Variants in FAT3 observed in about 807,000 individuals in gnomAD.
FAT3 encodes protocadherin Fat 3.
Under a neutral mutation model 310.2 loss-of-function variants are expected in FAT3, and 95 were observed. The ratio of observed to expected loss-of-function variants is 0.31; its 90% CI spans 0.26 to 0.36. The LOEUF (loss-of-function observed/expected upper bound fraction) is 0.36. Among genes scored for constraint, FAT3 ranks in the 10% least tolerant of loss-of-function variants. The probability of loss-of-function intolerance (pLI) is 1.00; values close to 1 mark genes in which losing one functional copy is unlikely to be tolerated. For synonymous variants in FAT3, 2,314 were observed against 2,192.9 expected (o/e 1.06, Z -1.54); for missense variants, 5,408 against 5,715.6 (o/e 0.95, Z 1.74).
chr11:92,843,635 C>G (rs1207514539), intron 18 of FAT3, among the ~76,000 whole-genome samples: 9 of 152,232 alleles, frequency 5.9e-5, no homozygotes, highest in Admixed American at 1.3e-4. Flanking sequence ...AAAACAAGCT[C>G]AGCCTGTTGT....
At chr11:92,416,837 C>T (rs907285352) in intron 2 of FAT3, among the ~76,000 whole-genome samples, 2 of 152,176 alleles carry the variant, frequency 1.3e-5, no homozygotes, top group African/African-American at 4.8e-5. Context: ...GCATCCTTTA[C>T]AGATGCAGAT....
At chr11:92,758,255 A>G (rs1048654067) in intron 4 of FAT3, among the ~76,000 whole-genome samples, 1 of 152,212 alleles carries the variant, frequency 6.6e-6, no homozygotes, top group Non-Finnish European at 1.5e-5. Context: ...AATGGAGATC[A>G]ACAAGCAAAT....
At chr11:92,863,016 G>A (rs1949157884) in intron 21 of FAT3, among the ~76,000 whole-genome samples, 1 of 152,074 alleles carries the variant, frequency 6.6e-6, no homozygotes. Context: ...TCAGAGGGCT[G>A]GGATGATTAT....
intron 2 of FAT3, among the ~76,000 whole-genome samples, chr11:92,493,898 A>T (rs773283735): frequency 1.3e-5 from 2 of 152,066 alleles, no homozygotes; most frequent in Non-Finnish European, 2.9e-5. Context: ...TCTGAGGCTG[A>T]ACAGGAATCA....
intron 1 of FAT3, among the ~76,000 whole-genome samples, chr11:92,251,846 G>A (rs1372025309): frequency 6.6e-6 from 1 of 152,094 alleles, no homozygotes; most frequent in Non-Finnish European, 1.5e-5. Flanking sequence ...AAATGAGTAA[G>A]CAAGATCTTA....
At chr11:92,357,190 C>T (rs990640775) in intron 2 of FAT3, among the ~76,000 whole-genome samples, 3 of 152,148 alleles carry the variant, frequency 2.0e-5, no homozygotes, top group African/African-American at 4.8e-5. Flanking sequence ...CGAGTACTTA[C>T]AATGTGCCAG....
chr11:92,632,423 CG>C (rs1941589956), intron 3 of FAT3, among the ~76,000 whole-genome samples: 1 of 152,078 alleles, frequency 6.6e-6, no homozygotes, highest in Non-Finnish European at 1.5e-5. Flanking sequence ...GAGAGGCAGA[CG>C]GGTTACTGGA....
At chr11:92,327,749 T>C (rs1947802914) in intron 1 of FAT3, among the ~76,000 whole-genome samples, 1 of 152,202 alleles carries the variant, frequency 6.6e-6, no homozygotes, top group African/African-American at 2.4e-5. Flanking sequence ...CATTTGGCAG[T>C]GACTCTGAGG....
At chr11:92,523,533 T>A (rs1565382245) in intron 2 of FAT3, among the ~76,000 whole-genome samples, 1 of 152,128 alleles carries the variant, frequency 6.6e-6, no homozygotes, top group Non-Finnish European at 1.5e-5. Flanking sequence ...TTATGCAGGG[T>A]CTATAGGCTA....
At chr11:92,742,669 C>T (rs932309202) in intron 4 of FAT3, among the ~76,000 whole-genome samples, 9 of 152,192 alleles carry the variant, frequency 5.9e-5, no homozygotes, top group African/African-American at 1.9e-4. Flanking sequence ...TTTTGTCCTT[C>T]CACCTTCCAC....
intron 1 of FAT3, among the ~76,000 whole-genome samples, chr11:92,309,361 C>A (rs1354512111): frequency 7.7e-6 from 1 of 129,254 alleles, no homozygotes; most frequent in Admixed American, 8.0e-5. Flanking sequence ...CTTGCACTCT[C>A]GCACTCTTTT....
intron 4 of FAT3, among the ~76,000 whole-genome samples, chr11:92,733,933 T>G (rs923507899): frequency 2.0e-5 from 3 of 152,246 alleles, no homozygotes; most frequent in Non-Finnish European, 2.9e-5. Context: ...TGATATTCAA[T>G]TAACAGAGCA....
intron 1 of FAT3, among the ~76,000 whole-genome samples, chr11:92,314,884 A>G (rs1377562831): frequency 6.6e-6 from 1 of 152,146 alleles, no homozygotes; most frequent in Non-Finnish European, 1.5e-5. Context: ...TTCTGGGCAC[A>G]GCAGTGATAG....
At chr11:92,587,060 T>C (rs989476278) in intron 3 of FAT3, among the ~76,000 whole-genome samples, 5 of 152,150 alleles carry the variant, frequency 3.3e-5, no homozygotes, top group African/African-American at 7.2e-5. Flanking sequence ...AATCTTCTTA[T>C]AGCTGAATTT....
At chr11:92,430,284 T>G (rs924206237) in intron 2 of FAT3, among the ~76,000 whole-genome samples, 1 of 152,168 alleles carries the variant, frequency 6.6e-6, no homozygotes, top group Non-Finnish European at 1.5e-5. Context: ...TTGCAACCTC[T>G]TATCAATGTT....
intron 2 of FAT3, among the ~76,000 whole-genome samples, chr11:92,481,098 A>G (rs1023363578): frequency 6.6e-6 from 1 of 152,230 alleles, no homozygotes; most frequent in Non-Finnish European, 1.5e-5. Context: ...AATTGTCAAT[A>G]TAATCATTGT....
At chr11:92,338,312 T>C (rs764864294) in intron 1 of FAT3, among the ~76,000 whole-genome samples, 1 of 152,206 alleles carries the variant, frequency 6.6e-6, no homozygotes, top group Non-Finnish European at 1.5e-5. Flanking sequence ...GAAAACTATC[T>C]ACTTACCTAC....
Position 92,352,354 on chromosome 11 carries a change from A to G in FAT3, c.242A>G (p.Tyr81Cys). 6.3e-7 allele frequency: 1 copy of G among 1,595,102 alleles called. No homozygotes were observed. Among genetic ancestry groups the G allele is most frequent in the Non-Finnish European group, 8.6e-7 (1 of 1,168,632 alleles). The change falls in exon 2 of 28, where the codon TAC becomes TGC. Residue 81 changes from tyrosine (Y) to cysteine (C), a missense_variant. By Grantham distance (194) the Tyr-to-Cys change is radical. This residue lies in a region of FAT3 where 152 missense variants were observed against 188.3 expected (regional missense o/e 0.81). Transcript: ENST00000525166. ...ATAGATCTATCCTGGGATATCAAATACAGAATAGTGTCCGGAGACGAGGAA... is the reference window on the plus strand; with the variant it reads ...ATAGATCTATCCTGGGATATCAAATGCAGAATAGTGTCCGGAGACGAGGAA... ...TLIDLSWDIK[Y>C]RIVSGDEEGF...
At chr11:92,618,544 G>A (rs1036561414) in intron 3 of FAT3, among the ~76,000 whole-genome samples, 11 of 152,164 alleles carry the variant, frequency 7.2e-5, no homozygotes, top group East Asian at 3.9e-4. Context: ...GAAATCACCC[G>A]TCTTTTGCGT....
Sources: gnomAD v4.1 joint callset for allele counts (sites outside exome capture counted in the v4.1 genomes callset) on GRCh38, gnomAD v4.1.1 for gene constraint, gnomAD v4.1.1 regional missense constraint, MANE v1.5 for transcripts, NCBI Gene and HGNC (gene_info 2026-07-23, HGNC 2026-07-21) for gene names.